Variants in RBPMS observed in about 807,000 individuals in gnomAD.
RBPMS encodes the protein RNA binding protein, mRNA processing factor.
In RBPMS, 7 loss-of-function variants were observed where a neutral mutation model predicts 26.8. That is an observed-to-expected ratio of 0.26 (90% confidence interval 0.15 to 0.49). The LOEUF (loss-of-function observed/expected upper bound fraction) is 0.49, where lower values mean the gene tolerates loss of function less well. Among genes scored for constraint, RBPMS ranks in the 20% least tolerant of loss-of-function variants. RBPMS has a pLI of 0.98. For synonymous variants in RBPMS, 96 were observed against 93.3 expected, an observed-to-expected ratio of 1.03 and a Z score of -0.17; for missense variants, 186 against 250.0, an observed-to-expected ratio of 0.74 and a Z score of 1.73.
intron 5 of RBPMS, among the ~76,000 whole-genome samples, chr8:30,529,072 T>G (rs1320202953): frequency 2.6e-5 from 4 of 151,850 alleles, no homozygotes; most frequent in African/African-American, 9.7e-5. Context: ...AATTAAAAAT[T>G]AGCCAAGTGT....
chr8:30,470,101 A>G (rs1816920116), intron 1 of RBPMS, among the ~76,000 whole-genome samples: 1 of 152,104 alleles, frequency 6.6e-6, no homozygotes, highest in Admixed American at 6.6e-5. Context: ...CTGTGATTCT[A>G]GGCCGGGCAC....
chr8:30,471,925 C>T (rs997855489), intron 1 of RBPMS, among the ~76,000 whole-genome samples: 3 of 152,064 alleles, frequency 2.0e-5, no homozygotes, highest in African/African-American at 7.2e-5. Flanking sequence ...GATCATTCCA[C>T]CCAGCCCCAG....
intron 5 of RBPMS, among the ~76,000 whole-genome samples, chr8:30,516,696 C>G (rs1822342359): frequency 6.6e-6 from 1 of 152,030 alleles, no homozygotes; most frequent in Non-Finnish European, 1.5e-5. Flanking sequence ...TTTTTAAATA[C>G]AAAGATTTAA....
intron 1 of RBPMS, among the ~76,000 whole-genome samples, chr8:30,466,853 C>G (rs1451785831): frequency 6.6e-6 from 1 of 152,096 alleles, no homozygotes. Flanking sequence ...CCTCGGCCTC[C>G]CAAAGTGCTG....
At chr8:30,447,754 G>T (rs1194990283) in intron 1 of RBPMS, among the ~76,000 whole-genome samples, 2 of 152,028 alleles carry the variant, frequency 1.3e-5, no homozygotes, top group Admixed American at 6.5e-5. Flanking sequence ...ATACAAAATT[G>T]TATCTGCATC....
intron 1 of RBPMS, among the ~76,000 whole-genome samples, chr8:30,471,794 C>T (rs1484530099): frequency 2.0e-5 from 3 of 152,106 alleles, no homozygotes; most frequent in African/African-American, 7.2e-5. Flanking sequence ...TCTGCCTCAG[C>T]GAACTTCATA....
intron 1 of RBPMS, among the ~76,000 whole-genome samples, chr8:30,470,398 G>A (rs1816963411): frequency 6.6e-6 from 1 of 151,806 alleles, no homozygotes; most frequent in Admixed American, 6.6e-5. Flanking sequence ...AAAAAAATCT[G>A]TGATTCTAGA....
At chr8:30,535,492 T>C (rs1824694178) in intron 5 of RBPMS, among the ~76,000 whole-genome samples, 1 of 152,190 alleles carries the variant, frequency 6.6e-6, no homozygotes, top group African/African-American at 2.4e-5. Context: ...AAGACTCTTT[T>C]AGGCAGCACC....
chr8:30,561,902 T>C, intron 7 of RBPMS: 1 of 985,410 alleles, frequency 1.0e-6, no homozygotes, highest in Non-Finnish European at 1.2e-6. Context: ...GGGTTTCATT[T>C]GTATCTGCTC....
chr8:30,545,975 C>T (rs958476873), intron 6 of RBPMS, among the ~76,000 whole-genome samples: 2 of 152,182 alleles, frequency 1.3e-5, no homozygotes, highest in Admixed American at 6.5e-5. Context: ...GCTTCTCCTT[C>T]CCCTGCTGCT....
At chr8:30,461,540 G>A (rs1008007785) in intron 1 of RBPMS, among the ~76,000 whole-genome samples, 1 of 152,042 alleles carries the variant, frequency 6.6e-6, no homozygotes, top group South Asian at 2.1e-4. Flanking sequence ...AACTACAGGC[G>A]CGTGCCACCA....
rs371978296 is a variant in RBPMS, at chr8:30,560,851, T to C, written c.*7+1895T>C. ...CCTGGGGGAACCATATCCTAACCTC[T>C]TAGCCAGAAACGAAACCAGAGGCCC... On this transcript the variant is annotated intron_variant, in intron 7 of 8. Transcript: ENST00000397323. Among the ~76,000 whole-genome samples the C allele has an allele frequency of 1.3e-4, 20 of 152,314 alleles. No homozygotes were observed. The East Asian group carries it at 1.5e-3, about 12-fold the overall frequency.
intron 6 of RBPMS, chr8:30,556,312 C>G: frequency 1.0e-6 from 1 of 985,700 alleles, no homozygotes; most frequent in Non-Finnish European, 1.2e-6. Context: ...GAGTGCGCCT[C>G]GACCAGGCTG....
intron 1 of RBPMS, among the ~76,000 whole-genome samples, chr8:30,457,973 G>T (rs1015041340): frequency 6.6e-6 from 1 of 152,122 alleles, no homozygotes; most frequent in South Asian, 2.1e-4. Context: ...CAGTATTTGT[G>T]GGGGGATCGG....
At chr8:30,483,537 G>A (rs1818487332) in intron 4 of RBPMS, among the ~76,000 whole-genome samples, 1 of 152,032 alleles carries the variant, frequency 6.6e-6, no homozygotes, top group Non-Finnish European at 1.5e-5. Context: ...ATTTGCATAT[G>A]ATTCACCCAT....
chr8:30,419,076 A>G (rs1810431104), intron 1 of RBPMS, among the ~76,000 whole-genome samples: 1 of 151,942 alleles, frequency 6.6e-6, no homozygotes, highest in African/African-American at 2.4e-5. Flanking sequence ...TGAAAAAAAA[A>G]AAAAAACAGA....
chr8:30,486,362 CATAAAAA>C (rs200425693), intron 4 of RBPMS, among the ~76,000 whole-genome samples: 2 of 101,428 alleles, frequency 2.0e-5, no homozygotes, highest in Non-Finnish European at 4.1e-5. Flanking sequence ...AAATAAATAA[CATAAAAA>C]AAAAACAAAA....
At chr8:30,561,020 C>T (rs745488849) in intron 7 of RBPMS, among the ~76,000 whole-genome samples, 6 of 152,064 alleles carry the variant, frequency 3.9e-5, no homozygotes, top group Admixed American at 1.3e-4. Flanking sequence ...CGTGTGTGTG[C>T]GCGCCTAAGT....
At chr8:30,483,351 C>T (rs992250264) in intron 4 of RBPMS, among the ~76,000 whole-genome samples, 4 of 152,134 alleles carry the variant, frequency 2.6e-5, no homozygotes, top group Admixed American at 6.5e-5. Context: ...TTATGTTACA[C>T]GAGAACTAGA....
Sources: gnomAD v4.1 joint callset for allele counts (sites outside exome capture counted in the v4.1 genomes callset) on GRCh38, gnomAD v4.1.1 for gene constraint, MANE v1.5 for transcripts, NCBI Gene and HGNC (gene_info 2026-07-23, HGNC 2026-07-21) for gene names.